PDE10A: variants seen among roughly 807,000 people sequenced by gnomAD.
PDE10A encodes phosphodiesterase 10A.
PDE10A carries 39 observed loss-of-function variants against 97.7 expected under a neutral mutation model. The observed-to-expected ratio is 0.40, with a 90% CI of 0.31 to 0.52. PDE10A has a LOEUF of 0.52. Ranked by LOEUF, PDE10A falls within the 20% of genes least tolerant of loss-of-function variation. The pLI is 0.56. For synonymous variants in PDE10A, 371 were observed against 376.8 expected (o/e 0.98, Z 0.18); for missense variants, 731 against 1,047.8 (o/e 0.70, Z 4.17).
At chr6:165,619,129 CTAGTG>C (rs758180073) in intron 1 of PDE10A, among the ~76,000 whole-genome samples, 6 of 94,320 alleles carry the variant, frequency 6.4e-5, no homozygotes, top group Admixed American at 4.1e-4. Context: ...CTAGCATAGT[CTAGTG>C]TAGTGTAGTC....
At chr6:165,903,126 A>G (rs774161189) in intron 1 of PDE10A, among the ~76,000 whole-genome samples, 24 of 152,238 alleles carry the variant, frequency 1.6e-4, no homozygotes, top group Non-Finnish European at 2.6e-4. Context: ...GGTATGATAA[A>G]GGAGAGTAAT....
At chr6:165,771,339 A>C (rs894094960) in intron 1 of PDE10A, among the ~76,000 whole-genome samples, 22 of 152,098 alleles carry the variant, frequency 1.4e-4, no homozygotes, top group African/African-American at 4.8e-4. Context: ...CCTCTCAACC[A>C]CACAGAGACA....
intron 1 of PDE10A, among the ~76,000 whole-genome samples, chr6:165,855,309 G>T (rs1014858321): frequency 2.7e-4 from 39 of 142,768 alleles, no homozygotes; most frequent in Non-Finnish European, 3.0e-4. Flanking sequence ...AAGTGGCGGG[G>T]GGGGGGGGGG....
intron 1 of PDE10A, among the ~76,000 whole-genome samples, chr6:165,954,993 C>T (rs1031539845): frequency 1.2e-4 from 18 of 152,150 alleles, no homozygotes; most frequent in Admixed American, 6.5e-5. Context: ...CCATTCCAAC[C>T]TGCCTTACAC....
At chr6:165,470,397 A>G (rs1457704978) in intron 3 of PDE10A, among the ~76,000 whole-genome samples, 1 of 152,268 alleles carries the variant, frequency 6.6e-6, no homozygotes, top group Non-Finnish European at 1.5e-5. Flanking sequence ...AAACTTATTG[A>G]AAATTGCTGT....
chr6:165,854,441 C>T (rs933367068), intron 1 of PDE10A, among the ~76,000 whole-genome samples: 1 of 152,172 alleles, frequency 6.6e-6, no homozygotes, highest in Non-Finnish European at 1.5e-5. Flanking sequence ...GCAAGACGTT[C>T]GCAGGCTCTG....
intron 1 of PDE10A, among the ~76,000 whole-genome samples, chr6:165,550,972 AAGT>A (rs1283082538): frequency 6.6e-6 from 1 of 152,214 alleles, no homozygotes; most frequent in East Asian, 1.9e-4. Context: ...CATATACCAG[AAGT>A]AGTAAATTTT....
intron 1 of PDE10A, among the ~76,000 whole-genome samples, chr6:165,599,733 C>T (rs1026115766): frequency 7.2e-5 from 11 of 152,148 alleles, no homozygotes; most frequent in African/African-American, 2.4e-4. Context: ...ACCAGTTAAC[C>T]GTCAACTGCT....
At chr6:165,881,574 T>TTTC (rs1227261843) in intron 1 of PDE10A, among the ~76,000 whole-genome samples, 1 of 149,798 alleles carries the variant, frequency 6.7e-6, no homozygotes, top group East Asian at 2.0e-4. Context: ...AATTTTTTTT[T>TTTC]TTTTTGTATT....
chr6:165,924,473 A>C (rs1782864296), intron 1 of PDE10A, among the ~76,000 whole-genome samples: 1 of 151,792 alleles, frequency 6.6e-6, no homozygotes, highest in African/African-American at 2.4e-5. Flanking sequence ...TGGATAGAAG[A>C]TCTCTCTCTG....
At chr6:165,376,959 G>A (rs1250418185) in intron 18 of PDE10A, among the ~76,000 whole-genome samples, 2 of 152,054 alleles carry the variant, frequency 1.3e-5, no homozygotes, top group Admixed American at 6.6e-5. Context: ...CATCCCTACC[G>A]TTCTATGATT....
intron 1 of PDE10A, among the ~76,000 whole-genome samples, chr6:165,654,169 T>TC (rs1789821847): frequency 6.6e-6 from 1 of 152,160 alleles, no homozygotes; most frequent in African/African-American, 2.4e-5. Flanking sequence ...CTTTCTCCGA[T>TC]CCCCCCTGTA....
In PDE10A at chr6:165,433,134, A is replaced by G. The variant is rs908253008; in HGVS notation, c.1336-5T>C. 1 of 1,602,346 alleles carries G rather than the reference A, an allele frequency of 6.2e-7. No individual in the cohort carries two copies. The highest frequency in any genetic ancestry group is 1.7e-4 in the Middle Eastern group (1 of 6,012). Reference sequence around the variant, plus strand: ...ACCTCTTGGAAATCGTTCATCCTGAAAAACAAAAAGACAAAAAGACATAAA... The same window carrying G: ...ACCTCTTGGAAATCGTTCATCCTGAGAAACAAAAAGACAAAAAGACATAAA... On this transcript the variant is annotated splice_polypyrimidine_tract_variant and splice_region_variant and intron_variant, in intron 6 of 21. Transcript: ENST00000539869.
intron 1 of PDE10A, among the ~76,000 whole-genome samples, chr6:165,871,545 C>T (rs1246816446): frequency 6.6e-6 from 1 of 152,096 alleles, no homozygotes; most frequent in East Asian, 1.9e-4. Flanking sequence ...AAACATTCAG[C>T]AGGAGACATT....
At chr6:165,403,626 C>T (rs760450302) in intron 13 of PDE10A, among the ~76,000 whole-genome samples, 8 of 152,174 alleles carry the variant, frequency 5.3e-5, no homozygotes, top group Non-Finnish European at 1.2e-4. Flanking sequence ...TATTAAACTA[C>T]ATATTTTCTA....
chr6:165,802,421 C>G (rs1399689809), intron 1 of PDE10A, among the ~76,000 whole-genome samples: 1 of 152,170 alleles, frequency 6.6e-6, no homozygotes. Context: ...AGCTGAACTC[C>G]CATACCATGT....
chr6:165,929,859 G>A (rs747756161), intron 1 of PDE10A, among the ~76,000 whole-genome samples: 28 of 151,976 alleles, frequency 1.8e-4, no homozygotes, highest in Non-Finnish European at 3.1e-4. Flanking sequence ...CACTCCAGGC[G>A]TGAGGGCAGC....
chr6:165,624,544 T>A (rs2983506), intron 1 of PDE10A, among the ~76,000 whole-genome samples: 54,526 of 152,184 alleles, frequency 0.36, 12,819 homozygotes, highest in African/African-American at 0.68. Flanking sequence ...ATTCTAACAT[T>A]AACTAATTCC....
intron 1 of PDE10A, among the ~76,000 whole-genome samples, chr6:165,794,116 TACAC>T (rs34393465): frequency 4.6e-5 from 7 of 150,580 alleles, no homozygotes; most frequent in South Asian, 2.1e-4. Flanking sequence ...TACGCAGGCA[TACAC>T]ACACACACAC....
Sources: gnomAD v4.1 joint callset for allele counts (sites outside exome capture counted in the v4.1 genomes callset) on GRCh38, gnomAD v4.1.1 for gene constraint, MANE v1.5 for transcripts, NCBI Gene and HGNC (gene_info 2026-07-23, HGNC 2026-07-21) for gene names.